SLC35F4: variants seen among roughly 807,000 people sequenced by gnomAD.
The protein encoded by SLC35F4 is solute carrier family 35 member F4.
SLC35F4 carries 24 observed loss-of-function variants against 44.2 expected under a neutral mutation model. That is an observed-to-expected ratio of 0.54 (90% CI 0.39 to 0.76). The LOEUF is 0.76. SLC35F4 is among the 30% of genes least tolerant of loss of function. The probability of loss-of-function intolerance (pLI) is 0.00; values close to 1 mark genes in which losing one functional copy is unlikely to be tolerated. For missense variants in SLC35F4, 562 were observed against 586.1 expected (o/e 0.96, Z 0.42); for synonymous variants, 238 against 223.6 (o/e 1.06, Z -0.57).
chr14:57,646,329 AC>A (rs2073512990), intron 1 of SLC35F4, among the ~76,000 whole-genome samples: 1 of 152,096 alleles, frequency 6.6e-6, no homozygotes, highest in Admixed American at 6.6e-5. Context: ...CAGAGATTCC[AC>A]TTCTTCCTGG....
chr14:57,845,277 C>A (rs991123625), intron 1 of SLC35F4, among the ~76,000 whole-genome samples: 1 of 152,222 alleles, frequency 6.6e-6, no homozygotes, highest in Non-Finnish European at 1.5e-5. Context: ...CTTGCCCTGA[C>A]ACCTGGTAGC....
intron 1 of SLC35F4, among the ~76,000 whole-genome samples, chr14:57,894,381 C>T (rs746414756): frequency 6.6e-6 from 1 of 152,000 alleles, no homozygotes; most frequent in Non-Finnish European, 1.5e-5. Context: ...AATGAAAACT[C>T]AAGTGCCCAG....
chr14:57,721,658 GAA>G (rs959403137), intron 1 of SLC35F4, among the ~76,000 whole-genome samples: 8 of 152,174 alleles, frequency 5.3e-5, no homozygotes, highest in African/African-American at 1.7e-4. Flanking sequence ...AAGAATGGAT[GAA>G]AAGACTGGAA....
intron 1 of SLC35F4, among the ~76,000 whole-genome samples, chr14:57,905,364 T>G (rs72624747): frequency 6.6e-6 from 1 of 152,156 alleles, no homozygotes; most frequent in African/African-American, 2.4e-5. Context: ...TCAGAAGTCA[T>G]GCAATGTTCT....
chr14:57,959,945 G>A (rs1436116175), intron 1 of SLC35F4, among the ~76,000 whole-genome samples: 2 of 152,128 alleles, frequency 1.3e-5, no homozygotes, highest in Admixed American at 6.5e-5. Context: ...TTGGAAGAGG[G>A]CACCAGGACT....
chr14:57,910,616 C>A (rs996216894), intron 1 of SLC35F4, among the ~76,000 whole-genome samples: 3 of 152,024 alleles, frequency 2.0e-5, no homozygotes, highest in African/African-American at 4.8e-5. Context: ...CTTTTCAGAT[C>A]TCTATTCTGC....
At chr14:57,778,029 C>A (rs1305586989) in intron 1 of SLC35F4, among the ~76,000 whole-genome samples, 3 of 152,180 alleles carry the variant, frequency 2.0e-5, no homozygotes, top group Non-Finnish European at 2.9e-5. Flanking sequence ...TGGGAAGAAC[C>A]TGGTGGGAGG....
intron 1 of SLC35F4, among the ~76,000 whole-genome samples, chr14:57,788,213 T>G (rs968086514): frequency 4.6e-5 from 7 of 151,842 alleles, no homozygotes; most frequent in African/African-American, 1.7e-4. Context: ...AACAGGAAAA[T>G]GCCACAATCC....
chr14:57,756,230 G>A (rs570019980), intron 1 of SLC35F4, among the ~76,000 whole-genome samples: 48 of 152,140 alleles, frequency 3.2e-4, no homozygotes, highest in Middle Eastern at 6.8e-3. Context: ...TCCAAATACT[G>A]TTCTAGCAGT....
At chr14:57,812,790 A>T (rs1882119794) in intron 1 of SLC35F4, among the ~76,000 whole-genome samples, 1 of 152,230 alleles carries the variant, frequency 6.6e-6, no homozygotes, top group African/African-American at 2.4e-5. Context: ...TTCTCAAGTC[A>T]TGACAGTCAC....
intron 1 of SLC35F4, among the ~76,000 whole-genome samples, chr14:57,858,711 A>AT (rs1029434010): frequency 7.1e-6 from 1 of 141,734 alleles, no homozygotes; most frequent in African/African-American, 3.0e-5. Context: ...AAGAATTACT[A>AT]TAAAAAAAAG....
At chr14:57,865,656 C>A in intron 1 of SLC35F4, 67 bp downstream of exon 1, 1 of 1,358,760 alleles carries the variant, frequency 7.4e-7, no homozygotes, top group Non-Finnish European at 9.8e-7. Context: ...CGTCCGCATC[C>A]CCGCGGCACC....
At chr14:57,866,957 AAATAATAATAAT>A (rs4035380), upstream of SLC35F4, among the ~76,000 whole-genome samples, 10,273 of 135,992 alleles carry the variant, frequency 0.076, 523 homozygotes, top group African/African-American at 0.14. Context: ...AGCTTCCTGC[AAATAATAATAAT>A]AATAATAATA....
intron 1 of SLC35F4, among the ~76,000 whole-genome samples, chr14:57,847,227 C>G (rs1886111987): frequency 6.6e-6 from 1 of 152,152 alleles, no homozygotes; most frequent in Non-Finnish European, 1.5e-5. Context: ...TTGGGATCTC[C>G]TTGGAGCTTT....
At position 57,798,256 on chromosome 14, in the gene SLC35F4, T is replaced by C. The variant is rs60413105; in HGVS notation, c.103+67467A>G. Among the ~76,000 whole-genome samples the C allele has an allele frequency of 0.014, 2,073 of 151,390 alleles. 253 individuals are homozygous for C. In the East Asian group the frequency reaches 0.31, roughly 23 times the overall value. On this transcript the variant is annotated intron_variant, in intron 1 of 7. Transcript: ENST00000556826. ...ACATATTGAAAATGGAGAAAATGCC[T>C]AGAGGACCTGAGAGGCTAAACACCT...
chr14:57,914,316 C>T (rs1889274781), intron 1 of SLC35F4, among the ~76,000 whole-genome samples: 1 of 152,160 alleles, frequency 6.6e-6, no homozygotes, highest in African/African-American at 2.4e-5. Context: ...GTAATCCCAG[C>T]ACTTTGGGAG....
In SLC35F4 at chr14:57,667,776, A is replaced by G. The variant is rs532749550; in HGVS notation, c.104-73652T>C. ...TGGTTCCGAGTCTTTGCTATTGTGA[A>G]TAGTGCCACAATAAACATACAGTGC... is the stretch of plus-strand genomic sequence containing the variant. On this transcript the variant is annotated intron_variant, in intron 1 of 7. Transcript: ENST00000556826. Among the ~76,000 whole-genome samples, 20 of 151,760 alleles carry G rather than the reference A, an allele frequency of 1.3e-4. No individual in the cohort carries two copies. The South Asian group carries it at 4.2e-3, about 32-fold the overall frequency.
chr14:57,668,120 C>T (rs1169315294), intron 1 of SLC35F4, among the ~76,000 whole-genome samples: 2 of 150,962 alleles, frequency 1.3e-5, no homozygotes, highest in African/African-American at 2.4e-5. Context: ...CTGTTGGCTG[C>T]ATAAATGTCT....
intron 3 of SLC35F4, among the ~76,000 whole-genome samples, chr14:57,588,221 T>G (rs1258749095): frequency 6.6e-6 from 1 of 151,954 alleles, no homozygotes; most frequent in Non-Finnish European, 1.5e-5. Flanking sequence ...ATAAGAAGAG[T>G]CGTATAATGT....
Sources: gnomAD v4.1 joint callset for allele counts (sites outside exome capture counted in the v4.1 genomes callset) on GRCh38, gnomAD v4.1.1 for gene constraint, MANE v1.5 for transcripts, NCBI Gene and HGNC (gene_info 2026-07-23, HGNC 2026-07-21) for gene names.